Variants in ORC5 observed in about 807,000 individuals in gnomAD.
ORC5 encodes the protein protein phosphatase 1, regulatory subunit 117.
ORC5 carries 39 observed loss-of-function variants against 58.8 expected under a neutral mutation model. That is an observed-to-expected ratio of 0.66 (90% CI 0.51 to 0.87). The LOEUF (loss-of-function observed/expected upper bound fraction) is 0.87. Ranked by LOEUF, ORC5 falls within the 40% of genes least tolerant of loss-of-function variation. ORC5 has a pLI of 0.00. For synonymous variants in ORC5, 218 were observed against 177.6 expected, an observed-to-expected ratio of 1.23 and a Z score of -1.81; for missense variants, 493 against 506.3, an observed-to-expected ratio of 0.97 and a Z score of 0.25.
Position 104,138,261 on chromosome 7 carries a change from T to C in ORC5, c.1150-1368A>G, listed in dbSNP as rs1215688709. 6.6e-6 allele frequency among the ~76,000 whole-genome samples: 1 copy of C among 152,356 alleles called. No homozygotes were observed. Among genetic ancestry groups the C allele is most frequent in the African/African-American group, 2.4e-5 (1 of 41,584 alleles). On this transcript the variant is annotated intron_variant, in intron 12 of 13. Coordinates refer to ENST00000297431, the MANE Select transcript of ORC5 (RefSeq NM_002553.4). This position sits in a 1 kb window ranked among gnomAD's most constrained non-coding sequence, Gnocchi z 4.7. ...CTAAGAATTCCACTAGAGACAGCTT[T>C]GTTTCATTACTCAGACACATGACCG...
intron 4 of ORC5, among the ~76,000 whole-genome samples, chr7:104,197,342 G>A (rs6950715): frequency 0.29 from 43,441 of 151,904 alleles, 6,993 homozygotes; most frequent in African/African-American, 0.44. Context: ...TGATTATAAG[G>A]TAGAAATCCA....
At chr7:104,145,866 G>A (rs745529074) in intron 12 of ORC5, among the ~76,000 whole-genome samples, 21 of 152,132 alleles carry the variant, frequency 1.4e-4, no homozygotes, top group Non-Finnish European at 2.4e-4. Context: ...AGGCTACCCA[G>A]GTAGGCTCAT....
intron 5 of ORC5, among the ~76,000 whole-genome samples, chr7:104,192,071 G>T (rs1472944459): frequency 6.6e-6 from 1 of 152,144 alleles, no homozygotes; most frequent in East Asian, 1.9e-4. Flanking sequence ...TTTCTAACAA[G>T]AAGTAATTTT....
chr7:104,207,768 G>T, intron 1 of ORC5, 65 bp downstream of exon 1: 1 of 1,480,538 alleles, frequency 6.8e-7, no homozygotes, highest in East Asian at 2.3e-5. Flanking sequence ...ACAAATATTG[G>T]AACAGGTCGC....
chr7:104,202,403 T>C, intron 2 of ORC5: 1 of 298,426 alleles, frequency 3.4e-6, no homozygotes, highest in South Asian at 2.9e-5. Context: ...CAGCATTTGC[T>C]AACTCACTTC....
rs1328630637 is a variant in ORC5 at position 104,165,447 on chromosome 7, T to C, written c.991-165A>G. 3 of 470,990 alleles carry C rather than the reference T, an allele frequency of 6.4e-6. No homozygotes were observed. In the East Asian group the frequency reaches 1.1e-4, roughly 18 times the overall value. 29.2% of individuals were successfully genotyped at this position (470,990 alleles called of 1,614,324 possible). On this transcript the variant is annotated intron_variant, in intron 10 of 13. Coordinates refer to ENST00000297431, the MANE Select transcript of ORC5 (RefSeq NM_002553.4). The stretch of plus-strand genomic sequence containing the variant: ...TGTATATATATTAGACTTCAACATA[T>C]TTTAGGCCAATTTCGTTTAGACTTG...
rs1443443004 is a variant in ORC5 at position 104,200,878 on chromosome 7, A to G, written c.246T>C (p.His82=). ...LLEQILNKLN[H]LSSSEDGCST... ...AACATCCATCCTCTGAAGAACTAAG[A>G]TGATTCAATTTGTTTAAAATTTGTT... The change falls in exon 3 of 14, where the codon CAT becomes CAC. Residue 82 remains histidine (H), a synonymous_variant. Transcript: ENST00000297431. 3 of 1,613,486 alleles carry G rather than the reference A, an allele frequency of 1.9e-6. No individual in the cohort carries two copies. The South Asian group carries it at 3.3e-5, about 18-fold the overall frequency.
chr7:104,202,613 T>C (rs1799972294), intron 2 of ORC5: 3 of 428,198 alleles, frequency 7.0e-6, no homozygotes, highest in Admixed American at 5.3e-5. Context: ...TACAGTGTGA[T>C]AAAAAATGGA....
In ORC5 at chr7:104,166,766, T is replaced by C. The variant is rs369820476; in HGVS notation, c.990+6A>G. The C allele has an allele frequency of 6.9e-7, 1 of 1,451,410 alleles. No individual in the cohort carries two copies. Among genetic ancestry groups the C allele is most frequent in the Non-Finnish European group, 9.6e-7 (1 of 1,040,940 alleles). 89.9% of individuals were successfully genotyped at this position (1,451,410 alleles called of 1,614,324 possible). ...AATAAAGTGAAAAGAAGTATGTTAT[T>C]ATTACCTTAAGAAAAAACCTCTTGT... On this transcript the variant is annotated splice_donor_region_variant and intron_variant, in intron 10 of 13. Coordinates refer to ENST00000297431, the MANE Select transcript of ORC5 (RefSeq NM_002553.4).
chr7:104,149,893 C>T (rs1423539157), intron 12 of ORC5, among the ~76,000 whole-genome samples: 2 of 152,136 alleles, frequency 1.3e-5, no homozygotes, highest in Non-Finnish European at 2.9e-5. Flanking sequence ...ACAAAAATCT[C>T]TTTCTGTGTA....
intron 12 of ORC5, among the ~76,000 whole-genome samples, chr7:104,150,123 G>A (rs1798821300): frequency 1.3e-5 from 2 of 152,130 alleles, no homozygotes; most frequent in Non-Finnish European, 2.9e-5. Flanking sequence ...TGTAAAAACA[G>A]TGTGAACCTG....
intron 2 of ORC5, among the ~76,000 whole-genome samples, chr7:104,202,068 C>G (rs912828546): frequency 1.3e-5 from 2 of 151,670 alleles, no homozygotes; most frequent in African/African-American, 4.9e-5. Context: ...CCAACCTGGG[C>G]AATAGAGCAA....
At chr7:104,168,790 ACTT>A (rs1297351271) in intron 8 of ORC5, among the ~76,000 whole-genome samples, 3 of 152,150 alleles carry the variant, frequency 2.0e-5, no homozygotes, top group Non-Finnish European at 2.9e-5. Context: ...CTATCAAAAA[ACTT>A]CACCCAGGCC....
rs150509961 is a variant in ORC5, at chr7:104,199,791, C to T, written c.366+967G>A. Among the ~76,000 whole-genome samples, 123 of 152,232 alleles carry T rather than the reference C, an allele frequency of 8.1e-4. 1 individual carries two copies. In the East Asian group the frequency reaches 0.022, roughly 27 times the overall value. Reference sequence around the variant, plus strand: ...CACAGTTGACTTTGAAATGTGAAACCGACATGAGATTTGGGAGAGGCCAAG... The same window carrying T: ...CACAGTTGACTTTGAAATGTGAAACTGACATGAGATTTGGGAGAGGCCAAG... On this transcript the variant is annotated intron_variant, in intron 3 of 13. Coordinates refer to ENST00000297431, the MANE Select transcript of ORC5 (RefSeq NM_002553.4).
intron 13 of ORC5, among the ~76,000 whole-genome samples, chr7:104,134,086 A>G (rs762949426): frequency 3.9e-5 from 6 of 152,140 alleles, no homozygotes; most frequent in Admixed American, 6.5e-5. Flanking sequence ...ACTGAACAGA[A>G]TGAACTCAGG....
chr7:104,187,768 G>A, intron 6 of ORC5: 10 of 979,864 alleles, frequency 1.0e-5, no homozygotes, highest in Non-Finnish European at 1.2e-5. Context: ...TACCAGCTCA[G>A]GGTCAGTGGT....
intron 12 of ORC5, among the ~76,000 whole-genome samples, chr7:104,146,157 T>C (rs938655408): frequency 2.0e-5 from 3 of 152,200 alleles, no homozygotes; most frequent in Non-Finnish European, 4.4e-5. Context: ...TGATTAAACA[T>C]TTTAACACCT....
At chr7:104,131,610 G>A (rs1798512819) in intron 13 of ORC5, among the ~76,000 whole-genome samples, 1 of 152,112 alleles carries the variant, frequency 6.6e-6, no homozygotes, top group African/African-American at 2.4e-5. Context: ...CTAGCACTTT[G>A]GGAGGCCGAG....
chr7:104,180,189 T>C (rs1442609258), intron 8 of ORC5, among the ~76,000 whole-genome samples: 2 of 152,212 alleles, frequency 1.3e-5, no homozygotes, highest in Non-Finnish European at 2.9e-5. Context: ...CTGTGTCTGA[T>C]TAAATTCAAG....
Sources: gnomAD v4.1 joint callset for allele counts (sites outside exome capture counted in the v4.1 genomes callset) on GRCh38, gnomAD v4.1.1 for gene constraint, Gnocchi (gnomAD v3.1) non-coding constraint, MANE v1.5 for transcripts, NCBI Gene and HGNC (gene_info 2026-07-23, HGNC 2026-07-21) for gene names.